Variants in VSTM4 observed in about 807,000 individuals in gnomAD.
VSTM4 encodes V-set and transmembrane domain containing 4, also known as V-set and transmembrane domain-containing protein 4.
A neutral mutation model predicts 36.4 loss-of-function variants in VSTM4; 20 were observed. The observed-to-expected ratio is 0.55, with a 90% CI of 0.39 to 0.80. VSTM4 has a LOEUF of 0.80. VSTM4 is among the 30% of genes least tolerant of loss of function. The probability of loss-of-function intolerance (pLI) is 0.00; values close to 1 mark genes in which losing one functional copy is unlikely to be tolerated. For synonymous variants in VSTM4, 182 were observed against 173.9 expected, an observed-to-expected ratio of 1.05 and a Z score of -0.37; for missense variants, 392 against 404.5, an observed-to-expected ratio of 0.97 and a Z score of 0.26.
chr10:49,104,822 G>C (rs1404326089), intron 2 of VSTM4, among the ~76,000 whole-genome samples: 1 of 147,252 alleles, frequency 6.8e-6, no homozygotes, highest in Non-Finnish European at 1.5e-5. Context: ...TACAGAGGGA[G>C]AGAGACACAG....
intron 7 of VSTM4, among the ~76,000 whole-genome samples, chr10:49,020,294 G>A (rs1843162213): frequency 6.6e-6 from 1 of 152,108 alleles, no homozygotes; most frequent in African/African-American, 2.4e-5. Flanking sequence ...AAGCAGTGCT[G>A]GGAGAAAACC....
chr10:49,083,848 G>C (rs1423978175), intron 3 of VSTM4, among the ~76,000 whole-genome samples: 1 of 152,180 alleles, frequency 6.6e-6, no homozygotes, highest in African/African-American at 2.4e-5. Flanking sequence ...ATGGTCCTCA[G>C]ACCACTTGCA....
chr10:49,037,548 G>A (rs1843450421), intron 7 of VSTM4, among the ~76,000 whole-genome samples: 1 of 152,196 alleles, frequency 6.6e-6, no homozygotes, highest in African/African-American at 2.4e-5. Context: ...GTGACTCCAG[G>A]TTCCCTGCTG....
At chr10:49,109,188 C>T (rs892263955) in intron 1 of VSTM4, among the ~76,000 whole-genome samples, 3 of 152,202 alleles carry the variant, frequency 2.0e-5, no homozygotes, top group Admixed American at 2.0e-4. Context: ...TCCCAAAATG[C>T]CACCATCTGG....
intron 5 of VSTM4, among the ~76,000 whole-genome samples, chr10:49,061,435 C>G (rs1051022543): frequency 2.0e-5 from 3 of 152,098 alleles, no homozygotes; most frequent in African/African-American, 7.2e-5. Flanking sequence ...AATAACCATG[C>G]TAATTTTCTA....
At chr10:49,103,595 G>A in intron 2 of VSTM4, 1 of 1,446,580 alleles carries the variant, frequency 6.9e-7, no homozygotes, top group Non-Finnish European at 9.1e-7. Context: ...GCTCTTCTCA[G>A]AACTGGGAGT....
rs367593728 is a variant in VSTM4 at position 49,054,566 on chromosome 10, G to T, written c.669-5982C>A. Among the ~76,000 whole-genome samples, 16 of 152,190 alleles carry T rather than the reference G, an allele frequency of 1.1e-4. 1 individual carries two copies. The highest frequency in any genetic ancestry group is 7.7e-4 in the East Asian group (4 of 5,202). On this transcript the variant is annotated intron_variant, in intron 5 of 7. Transcript: ENST00000332853. The stretch of plus-strand genomic sequence containing the variant: ...CTGCCAAAATGAAGGTGGGCATGGT[G>T]GGCTAGCCAGCTGGGAATTTTGTGC...
chr10:49,022,433 C>T (rs1843196362), intron 7 of VSTM4, among the ~76,000 whole-genome samples: 1 of 152,030 alleles, frequency 6.6e-6, no homozygotes, highest in South Asian at 2.1e-4. Context: ...AGATGATGCA[C>T]CCCAAAAAGG....
At chr10:49,048,871 G>A (rs559231059) in intron 5 of VSTM4, among the ~76,000 whole-genome samples, 158 of 152,300 alleles carry the variant, frequency 1.0e-3, no homozygotes, top group African/African-American at 3.8e-3. Context: ...GGGACCCAGC[G>A]TTAGCTTGTG....
At chr10:49,030,642 C>A (rs190922659) in intron 7 of VSTM4, among the ~76,000 whole-genome samples, 1 of 152,290 alleles carries the variant, frequency 6.6e-6, no homozygotes, top group African/African-American at 2.4e-5. Flanking sequence ...ATGAGCAGAG[C>A]AAATTCGCCT....
At chr10:49,026,471 A>G (rs1408797750) in intron 7 of VSTM4, among the ~76,000 whole-genome samples, 1 of 152,256 alleles carries the variant, frequency 6.6e-6, no homozygotes, top group Non-Finnish European at 1.5e-5. Context: ...CTTGTCCTAA[A>G]ACACAAATAA....
At chr10:49,082,921 T>G (rs149611409) in intron 3 of VSTM4, among the ~76,000 whole-genome samples, 2 of 152,282 alleles carry the variant, frequency 1.3e-5, no homozygotes, top group East Asian at 3.9e-4. Context: ...AGGCCAAGAC[T>G]GGGGTGCATA....
chr10:49,107,442 A>C, intron 2 of VSTM4, 152 bp downstream of exon 2: 3 of 971,758 alleles, frequency 3.1e-6, no homozygotes, highest in Non-Finnish European at 4.5e-6. Context: ...CCCTCACCCC[A>C]TGGCATGACT....
rs556597032 is a variant in VSTM4, at chr10:49,030,364, G to A, written c.838-10589C>T. Among the ~76,000 whole-genome samples, 5 of 152,024 alleles carry A rather than the reference G, an allele frequency of 3.3e-5. No individual in the cohort carries two copies. In the South Asian group the frequency reaches 1.0e-3, roughly 32 times the overall value. On this transcript the variant is annotated intron_variant, in intron 7 of 7. Coordinates refer to ENST00000332853, the MANE Select transcript of VSTM4 (RefSeq NM_001031746.5). ...GCTGACTTAGGTGTGCCTTGACCCA[G>A]GGTCCAGAGACACATGGGGCCTAGG...
At chr10:49,110,366 C>T (rs1844870635) in intron 1 of VSTM4, among the ~76,000 whole-genome samples, 1 of 152,198 alleles carries the variant, frequency 6.6e-6, no homozygotes, top group Non-Finnish European at 1.5e-5. Context: ...TGGCTCAGGA[C>T]AGGGTCAGGG....
intron 2 of VSTM4, chr10:49,102,404 G>T (rs1441350816): frequency 1.0e-6 from 1 of 985,196 alleles, no homozygotes; most frequent in Non-Finnish European, 1.2e-6. Context: ...AAAGTGCTGG[G>T]ATTACAGGCG....
At chr10:49,039,122 C>T (rs1843478591) in intron 7 of VSTM4, among the ~76,000 whole-genome samples, 1 of 152,096 alleles carries the variant, frequency 6.6e-6, no homozygotes, top group South Asian at 2.1e-4. Context: ...ACCTAGATTC[C>T]AGAGAAGTGG....
chr10:49,065,083 A>G (rs2131978710), intron 4 of VSTM4, among the ~76,000 whole-genome samples: 1 of 152,308 alleles, frequency 6.6e-6, no homozygotes, highest in South Asian at 2.1e-4. Flanking sequence ...AGCCCTCTTG[A>G]GGCCAGATGG....
intron 7 of VSTM4, among the ~76,000 whole-genome samples, chr10:49,032,517 G>A (rs114399424): frequency 0.012 from 1,777 of 152,342 alleles, 41 homozygotes; most frequent in African/African-American, 0.04. Context: ...TTTAGTGGAT[G>A]AGAGAGGCTC....
Sources: allele counts gnomAD v4.1 joint callset (sites outside exome capture counted in the v4.1 genomes callset), GRCh38; gene constraint gnomAD v4.1.1; transcripts MANE v1.5; gene names NCBI Gene and HGNC (gene_info 2026-07-23, HGNC 2026-07-21).